Variants in KSR2 observed in about 807,000 individuals in gnomAD.
KSR2 encodes kinase suppressor of ras 2.
KSR2 carries 25 observed loss-of-function variants against 107.8 expected under a neutral mutation model. The ratio of observed to expected loss-of-function variants is 0.23; its 90% CI spans 0.17 to 0.32. KSR2 has a LOEUF of 0.32. Among genes scored for constraint, KSR2 ranks in the 10% least tolerant of loss-of-function variants. KSR2 has a pLI of 1.00. For missense variants in KSR2, 887 were observed against 1,268.9 expected, an observed-to-expected ratio of 0.70 and a Z score of 4.57; for synonymous variants, 480 against 507.0, an observed-to-expected ratio of 0.95 and a Z score of 0.71.
intron 7 of KSR2, 81 bp from the exon 8 acceptor site, chr12:117,558,654 G>T: frequency 1.1e-6 from 1 of 887,738 alleles, no homozygotes; most frequent in Non-Finnish European, 1.9e-6. Flanking sequence ...TGAATGGATG[G>T]ATGGGTGGAT....
intron 5 of KSR2, among the ~76,000 whole-genome samples, chr12:117,620,950 T>A (rs926658203): frequency 4.6e-5 from 7 of 152,118 alleles, no homozygotes; most frequent in Non-Finnish European, 1.5e-5. Context: ...TAAATTACTG[T>A]GGGAATATTA....
chr12:117,681,495 C>T (rs1173148026), intron 4 of KSR2, among the ~76,000 whole-genome samples: 1 of 152,056 alleles, frequency 6.6e-6, no homozygotes, highest in South Asian at 2.1e-4. Context: ...AAAGCCAGGA[C>T]AGGGAAACTC....
chr12:117,776,526 C>T (rs1005330694), intron 3 of KSR2, among the ~76,000 whole-genome samples: 1 of 152,116 alleles, frequency 6.6e-6, no homozygotes, highest in Non-Finnish European at 1.5e-5. Context: ...CTCAAGATAC[C>T]ATCCTCAATA....
intron 16 of KSR2, among the ~76,000 whole-genome samples, chr12:117,482,072 T>C (rs1218450228): frequency 1.3e-5 from 2 of 152,148 alleles, no homozygotes; most frequent in African/African-American, 4.8e-5. Context: ...CTGTCATAGT[T>C]TGCAACGCAC....
At chr12:117,868,341 T>C (rs1024429161) in intron 1 of KSR2, among the ~76,000 whole-genome samples, 2 of 151,290 alleles carry the variant, frequency 1.3e-5, no homozygotes, top group African/African-American at 2.4e-5. Flanking sequence ...AGGAATCTTT[T>C]GAACCCAGGA....
intron 9 of KSR2, among the ~76,000 whole-genome samples, chr12:117,554,154 C>A (rs1421003426): frequency 6.6e-6 from 1 of 152,152 alleles, no homozygotes; most frequent in Non-Finnish European, 1.5e-5. Flanking sequence ...ACCTTTGCCT[C>A]CTACTGTGAG....
chr12:117,481,024 T>C (rs1185246001), intron 16 of KSR2, among the ~76,000 whole-genome samples: 1 of 151,838 alleles, frequency 6.6e-6, no homozygotes. Context: ...ATTGCACTAC[T>C]GCATTCCAGC....
intron 1 of KSR2, among the ~76,000 whole-genome samples, chr12:117,865,032 G>T (rs1593318498): frequency 1.3e-5 from 2 of 151,660 alleles, no homozygotes; most frequent in Middle Eastern, 6.8e-3. Flanking sequence ...CTAGATAAGG[G>T]ACCTGGGTGA....
chr12:117,530,505 GT>G (rs1279950781), intron 12 of KSR2, among the ~76,000 whole-genome samples: 1 of 152,178 alleles, frequency 6.6e-6, no homozygotes, highest in Non-Finnish European at 1.5e-5. Flanking sequence ...ATGGGCTATA[GT>G]TTGCTGATTC....
chr12:117,626,082 A>T (rs1382677855), intron 5 of KSR2, among the ~76,000 whole-genome samples: 5 of 150,462 alleles, frequency 3.3e-5, no homozygotes, highest in Non-Finnish European at 7.4e-5. Flanking sequence ...CATCTATTTG[A>T]TTCTTCTCTC....
chr12:117,542,258 T>C (rs949700114), intron 9 of KSR2, among the ~76,000 whole-genome samples: 2 of 152,228 alleles, frequency 1.3e-5, no homozygotes, highest in East Asian at 3.8e-4. Flanking sequence ...AAATGAGTTA[T>C]GTAGGTACCC....
intron 4 of KSR2, among the ~76,000 whole-genome samples, chr12:117,722,325 C>T (rs967863217): frequency 6.6e-6 from 1 of 152,210 alleles, no homozygotes; most frequent in Admixed American, 6.5e-5. Context: ...ATCAGAGCAA[C>T]TCCATCTTGA....
chr12:117,567,539 C>T (rs961376114), intron 7 of KSR2, among the ~76,000 whole-genome samples: 5 of 151,872 alleles, frequency 3.3e-5, no homozygotes, highest in Non-Finnish European at 4.4e-5. Context: ...GAAAAGACAC[C>T]CTCTGGCAGC....
At chr12:117,956,616 T>C (rs1422129799) in intron 1 of KSR2, among the ~76,000 whole-genome samples, 1 of 151,530 alleles carries the variant, frequency 6.6e-6, no homozygotes, top group South Asian at 2.1e-4. Context: ...CAATATTTTA[T>C]ATTTTTTTTC....
intron 1 of KSR2, among the ~76,000 whole-genome samples, chr12:117,915,419 C>T (rs1462339489): frequency 6.6e-6 from 1 of 152,194 alleles, no homozygotes; most frequent in Non-Finnish European, 1.5e-5. Flanking sequence ...TTAGAATTTC[C>T]ATATGTAAAT....
At chr12:117,760,657 G>T (rs1241399493) in intron 4 of KSR2, among the ~76,000 whole-genome samples, 1 of 152,170 alleles carries the variant, frequency 6.6e-6, no homozygotes, top group Non-Finnish European at 1.5e-5. Flanking sequence ...AATACTTTCA[G>T]CTTTGTGGGC....
At chr12:117,954,645 C>T (rs866659926) in intron 1 of KSR2, among the ~76,000 whole-genome samples, 3 of 152,232 alleles carry the variant, frequency 2.0e-5, no homozygotes, top group African/African-American at 4.8e-5. Flanking sequence ...CAGCACCACA[C>T]AGGGCTCAAG....
intron 3 of KSR2, among the ~76,000 whole-genome samples, chr12:117,793,490 C>T (rs1171791896): frequency 1.3e-4 from 19 of 147,838 alleles, no homozygotes; most frequent in African/African-American, 4.5e-4. Context: ...CTCACATCAA[C>T]ATGCACACAC....
chr12:117,688,217 G>A (rs1024149591), intron 4 of KSR2, among the ~76,000 whole-genome samples: 20 of 152,148 alleles, frequency 1.3e-4, no homozygotes, highest in Middle Eastern at 3.4e-3. Flanking sequence ...CCGTCTCTAC[G>A]AAAAATACAA....
Sources: gnomAD v4.1 joint callset for allele counts (sites outside exome capture counted in the v4.1 genomes callset) on GRCh38, gnomAD v4.1.1 for gene constraint, MANE v1.5 for transcripts, NCBI Gene and HGNC (gene_info 2026-07-23, HGNC 2026-07-21) for gene names.